The following TMTC2 variants were observed in gnomAD, a reference collection of about 807,000 sequenced individuals.
TMTC2 encodes the protein protein O-mannosyl-transferase TMTC2.
A neutral mutation model predicts 82.4 loss-of-function variants in TMTC2; 43 were observed. The observed-to-expected ratio is 0.52, with a 90% CI of 0.41 to 0.67. The LOEUF (loss-of-function observed/expected upper bound fraction) is 0.67. Ranked by LOEUF, TMTC2 falls within the 30% of genes least tolerant of loss-of-function variation. The pLI is 0.00. For synonymous variants in TMTC2, 408 were observed against 381.9 expected (o/e 1.07, Z -0.80); for missense variants, 919 against 1,012.4 (o/e 0.91, Z 1.25).
chr12:82,687,711 C>T, intron 1 of TMTC2, 42 bp downstream of exon 1: 1 of 1,564,228 alleles, frequency 6.4e-7, no homozygotes, highest in South Asian at 1.2e-5. Context: ...GCAGGGGGCA[C>T]ACTCCGCAGT....
chr12:83,122,332 G>T (rs564321732), intron 11 of TMTC2, among the ~76,000 whole-genome samples: 17 of 150,862 alleles, frequency 1.1e-4, no homozygotes, highest in Admixed American at 3.3e-4. Context: ...CCAAGTTCTG[G>T]CCAGGAGACT....
intron 2 of TMTC2, among the ~76,000 whole-genome samples, chr12:82,870,506 G>A (rs1872119174): frequency 6.6e-6 from 1 of 152,170 alleles, no homozygotes; most frequent in South Asian, 2.1e-4. Flanking sequence ...TAGAAGTGGA[G>A]AATTAAAAGT....
chr12:82,768,753 C>T (rs1488657720), intron 1 of TMTC2, among the ~76,000 whole-genome samples: 1 of 151,930 alleles, frequency 6.6e-6, no homozygotes, highest in Non-Finnish European at 1.5e-5. Context: ...TTGGTCATTA[C>T]AGTTGGGGTT....
At chr12:82,747,242 G>C (rs891988571) in intron 1 of TMTC2, among the ~76,000 whole-genome samples, 4 of 152,200 alleles carry the variant, frequency 2.6e-5, no homozygotes, top group Non-Finnish European at 2.9e-5. Context: ...CAGTTTTCAG[G>C]ACCAAAAAGA....
chr12:83,008,834 A>C (rs1439113092), intron 8 of TMTC2, among the ~76,000 whole-genome samples: 2 of 152,144 alleles, frequency 1.3e-5, no homozygotes, highest in East Asian at 3.9e-4. Flanking sequence ...TAGAGGCTTC[A>C]AATTTCTCTT....
intron 2 of TMTC2, among the ~76,000 whole-genome samples, chr12:82,887,562 C>G (rs1474463124): frequency 6.6e-6 from 1 of 152,132 alleles, no homozygotes; most frequent in Non-Finnish European, 1.5e-5. Context: ...TAGTTATATA[C>G]TTTCATTCCA....
intron 1 of TMTC2, among the ~76,000 whole-genome samples, chr12:82,805,882 T>A (rs1355255372): frequency 1.3e-5 from 2 of 152,148 alleles, no homozygotes; most frequent in Non-Finnish European, 2.9e-5. Flanking sequence ...TTTAGTTTTT[T>A]AATTAACTCA....
chr12:82,885,147 C>T (rs1029261192), intron 2 of TMTC2, among the ~76,000 whole-genome samples: 10 of 151,576 alleles, frequency 6.6e-5, no homozygotes, highest in Non-Finnish European at 1.5e-4. Flanking sequence ...AAGTAATCCT[C>T]CCACCTTGGC....
At chr12:82,739,126 C>A (rs188941791) in intron 1 of TMTC2, among the ~76,000 whole-genome samples, 10 of 139,580 alleles carry the variant, frequency 7.2e-5, no homozygotes, top group African/African-American at 1.9e-4. Context: ...CTAGCCTGGG[C>A]GACAGAGTGA....
At chr12:82,800,410 T>G (rs1294624470) in intron 1 of TMTC2, among the ~76,000 whole-genome samples, 3 of 152,166 alleles carry the variant, frequency 2.0e-5, no homozygotes, top group Non-Finnish European at 2.9e-5. Flanking sequence ...CCTGCTCTAT[T>G]CAGCTTGTGT....
chr12:82,854,983 G>A (rs1397826350), intron 1 of TMTC2, among the ~76,000 whole-genome samples: 1 of 152,106 alleles, frequency 6.6e-6, no homozygotes, highest in Admixed American at 6.6e-5. Context: ...AGCTAACAGG[G>A]CAGAGAGATC....
intron 8 of TMTC2, among the ~76,000 whole-genome samples, chr12:83,018,790 GCAA>G (rs932807718): frequency 6.6e-6 from 1 of 151,968 alleles, no homozygotes; most frequent in African/African-American, 2.4e-5. Context: ...CATCATTTAG[GCAA>G]CAACACTTCA....
chr12:82,881,958 C>T (rs1005466449), intron 2 of TMTC2, among the ~76,000 whole-genome samples: 3 of 151,184 alleles, frequency 2.0e-5, no homozygotes, highest in Non-Finnish European at 4.4e-5. Flanking sequence ...CCTTTTCCCA[C>T]GTTACCCATC....
At chr12:82,695,846 G>T (rs1204480573) in intron 1 of TMTC2, among the ~76,000 whole-genome samples, 1 of 152,180 alleles carries the variant, frequency 6.6e-6, no homozygotes, top group Non-Finnish European at 1.5e-5. Flanking sequence ...TCAAAGTGGG[G>T]CTGGCAGCTG....
intron 4 of TMTC2, among the ~76,000 whole-genome samples, chr12:82,952,869 G>A (rs1423269191): frequency 1.3e-5 from 2 of 152,054 alleles, no homozygotes; most frequent in African/African-American, 2.4e-5. Flanking sequence ...CACCACGCCC[G>A]GCAGCATTAT....
chr12:82,741,040 C>T (rs1475468026), intron 1 of TMTC2, among the ~76,000 whole-genome samples: 1 of 152,190 alleles, frequency 6.6e-6, no homozygotes, highest in Non-Finnish European at 1.5e-5. Context: ...TGTATACCCA[C>T]TATATCAACA....
At chr12:82,914,823 T>A (rs935245668) in intron 3 of TMTC2, among the ~76,000 whole-genome samples, 31 of 144,208 alleles carry the variant, frequency 2.1e-4, no homozygotes, top group African/African-American at 7.5e-4. Context: ...ACTTATTTTT[T>A]TTTTTTTTTT....
chr12:82,812,062 C>T (rs889033388), intron 1 of TMTC2, among the ~76,000 whole-genome samples: 2 of 152,044 alleles, frequency 1.3e-5, no homozygotes, highest in Non-Finnish European at 2.9e-5. Context: ...AGGTGATCCA[C>T]CTGCCTCGGC....
chr12:82,857,212 G>A lies in TMTC2; in HGVS notation c.286G>A (p.Ala96Thr), dbSNP rs142192095. ...CCATCTTGTCAATGTCCTGTTGCAT[G>A]CAGCAGTCACTGGTCTCTTCACAAG... is the stretch of plus-strand genomic sequence containing the variant. ...SYHLVNVLLH[A>T]AVTGLFTSFS... is the part of the protein sequence containing the mutation. The change falls in exon 2 of 12, where the codon GCA becomes ACA. Residue 96 changes from alanine (A) to threonine (T), a missense_variant. Transcript: ENST00000321196. 1.2e-6 allele frequency: 2 copies of A among 1,614,050 alleles called. No homozygotes were observed. Among genetic ancestry groups the A allele is most frequent in the African/African-American group, 2.7e-5 (2 of 74,908 alleles).
Sources: allele counts gnomAD v4.1 joint callset (sites outside exome capture counted in the v4.1 genomes callset), GRCh38; gene constraint gnomAD v4.1.1; transcripts MANE v1.5; gene names NCBI Gene and HGNC (gene_info 2026-07-23, HGNC 2026-07-21).